ZNF519: variants seen among roughly 807,000 people sequenced by gnomAD.
ZNF519 encodes the protein zinc finger protein 519, also known as similar to Zinc finger protein 85 (Zinc finger protein HPF4) (HTF1).
ZNF519 carries 7 observed loss-of-function variants against 7.4 expected under a neutral mutation model. The ratio of observed to expected loss-of-function variants is 0.94; its 90% confidence interval spans 0.54 to 1.77. ZNF519 has a LOEUF of 1.77. Ranked by LOEUF, ZNF519 falls within the 40% of genes most tolerant of loss-of-function variation. The pLI is 0.00. For missense variants in ZNF519, 586 were observed against 623.1 expected (o/e 0.94, Z 0.63); for synonymous variants, 179 against 203.3 (o/e 0.88, Z 1.02).
In ZNF519 at chr18:14,105,226, G is replaced by A. The variant is rs749130923; in HGVS notation, c.1314C>T (p.Gly438=). The change falls in exon 3 of 3, where the codon GGC becomes GGT. Residue 438 remains glycine, a synonymous_variant. Coordinates refer to ENST00000590202, the MANE Select transcript of ZNF519 (RefSeq NM_145287.4). ...GGTGTGAGCCCCTGTTAAAGGCTTT[G>A]CCACATTCTTTACATTTGAAGTGTT... ...GEKHFKCKEC[G]KAFNRGSHLT... is the part of the protein sequence containing the mutation. 1.9e-6 allele frequency: 3 copies of A among 1,571,528 alleles called. No homozygotes were observed. Among genetic ancestry groups the A allele is most frequent in the Non-Finnish European group, 2.6e-6 (3 of 1,145,390 alleles).
At chr18:14,128,742 T>TTTATCAGTTAAA (rs2046314877) in intron 1 of ZNF519, among the ~76,000 whole-genome samples, 1 of 139,816 alleles carries the variant, frequency 7.2e-6, no homozygotes, top group Non-Finnish European at 1.6e-5. Flanking sequence ...AATGACCTAT[T>TTTATCAGTTAAA]TAACTGATAA....
chr18:14,131,189 C>T (rs1173017677), intron 1 of ZNF519, among the ~76,000 whole-genome samples: 5 of 151,228 alleles, frequency 3.3e-5, no homozygotes, highest in Non-Finnish European at 4.4e-5. Flanking sequence ...AGGGAGGATA[C>T]AAGGAGAAAC....
At position 14,103,943 on chromosome 18, in the gene ZNF519, T is replaced by G. The variant is rs973978582; in HGVS notation, c.*974A>C. 2 of 152,172 alleles carry G rather than the reference T, an allele frequency of 1.3e-5. No homozygotes were observed. The highest frequency in any genetic ancestry group is 4.8e-5 in the African/African-American group (2 of 41,454). 9.4% of individuals were successfully genotyped at this position (152,172 alleles called of 1,614,324 possible). A position where few individuals can be genotyped will look rare whatever the true frequency, so the allele number is the denominator to read the frequency against. On this transcript the variant is annotated 3_prime_UTR_variant, in exon 3 of 3. Transcript: ENST00000590202. ...CTGAATAAAGCATTTCAAAATCCAG[T>G]TTCCTCAATCATCAAAATTACAGAC... is the stretch of plus-strand genomic sequence containing the variant.
At chr18:14,097,522 G>A (rs999472066), downstream of ZNF519, among the ~76,000 whole-genome samples, 1 of 152,170 alleles carries the variant, frequency 6.6e-6, no homozygotes, top group African/African-American at 2.4e-5. Context: ...GGCGTTGAAG[G>A]TGGCCTCCAG....
chr18:14,122,209 T>C (rs2046272754), intron 2 of ZNF519: 2 of 152,204 alleles, frequency 1.3e-5, no homozygotes, highest in African/African-American at 2.4e-5. Flanking sequence ...TCTCAATTTA[T>C]TCTAAAGCAG....
intron 2 of ZNF519, among the ~76,000 whole-genome samples, chr18:14,094,586 A>ACTTGCATATGTAAAGCATC (rs1430473232): frequency 1.3e-5 from 2 of 152,224 alleles, no homozygotes; most frequent in African/African-American, 4.8e-5. Flanking sequence ...ATGTTTATCA[A>ACTTGCATATGTAAAGCATC]CTTGCATATG....
chr18:14,092,663 C>A (rs1011070734), intron 2 of ZNF519, among the ~76,000 whole-genome samples: 1 of 152,210 alleles, frequency 6.6e-6, no homozygotes, highest in South Asian at 2.1e-4. Flanking sequence ...GCGCAGAATC[C>A]CCATAAATCA....
intron 3 of ZNF519, among the ~76,000 whole-genome samples, chr18:14,081,535 T>A (rs2046070652): frequency 6.6e-6 from 1 of 152,200 alleles, no homozygotes; most frequent in Non-Finnish European, 1.5e-5. Flanking sequence ...TGTGTAAGGT[T>A]GTGATGGCCT....
At chr18:14,131,094 G>C (rs894184236) in intron 1 of ZNF519, among the ~76,000 whole-genome samples, 9 of 152,010 alleles carry the variant, frequency 5.9e-5, no homozygotes, top group Non-Finnish European at 1.2e-4. Context: ...AAAAAGGCCC[G>C]AATGTGGCTA....
At chr18:14,121,934 G>A (rs1233802624) in intron 2 of ZNF519, 1 of 152,152 alleles carries the variant, frequency 6.6e-6, no homozygotes, top group Non-Finnish European at 1.5e-5. Flanking sequence ...AAATCTAGAA[G>A]GTGAGTAGAT....
chr18:14,121,437 T>C (rs1202739075), intron 2 of ZNF519, among the ~76,000 whole-genome samples: 1 of 152,142 alleles, frequency 6.6e-6, no homozygotes, highest in African/African-American at 2.4e-5. Flanking sequence ...ACATATCAAA[T>C]CATTACATTG....
At chr18:14,123,710 C>T (rs923762806) in intron 2 of ZNF519, among the ~76,000 whole-genome samples, 1 of 151,894 alleles carries the variant, frequency 6.6e-6, no homozygotes, top group African/African-American at 2.4e-5. Context: ...AGCAAGACTC[C>T]GTTTGCAAAA....
downstream of ZNF519, among the ~76,000 whole-genome samples, chr18:14,096,812 G>C (rs995266455): frequency 2.6e-5 from 4 of 152,228 alleles, no homozygotes; most frequent in African/African-American, 9.7e-5. Flanking sequence ...GAAAGAGGGA[G>C]AGGACAGCAT....
chr18:14,096,315 T>C (rs138407549), downstream of ZNF519, among the ~76,000 whole-genome samples: 11 of 152,308 alleles, frequency 7.2e-5, no homozygotes, highest in Admixed American at 2.0e-4. Flanking sequence ...CAAAACCAGG[T>C]ATTATAATTT....
chr18:14,084,339 G>T (rs904924207), intron 3 of ZNF519: 1 of 152,106 alleles, frequency 6.6e-6, no homozygotes, highest in Non-Finnish European at 1.5e-5. Flanking sequence ...TACTTCCTGG[G>T]GCACAAACCT....
downstream of ZNF519, among the ~76,000 whole-genome samples, chr18:14,095,085 T>G (rs2046130316): frequency 1.3e-5 from 2 of 152,200 alleles, no homozygotes; most frequent in Non-Finnish European, 2.9e-5. Flanking sequence ...CTGAATGTTC[T>G]TGATGTTAGG....
downstream of ZNF519, chr18:14,099,807 T>C (rs1192833070): frequency 2.0e-5 from 3 of 152,214 alleles, no homozygotes. Flanking sequence ...CCACACACCC[T>C]TACAATGTCC....
At chr18:14,084,607 C>T (rs2046082671) in intron 3 of ZNF519, among the ~76,000 whole-genome samples, 1 of 152,070 alleles carries the variant, frequency 6.6e-6, no homozygotes, top group South Asian at 2.1e-4. Context: ...GAGCTTTTCC[C>T]TTCTCCTGGT....
chr18:14,095,078 A>G (rs2046130274), downstream of ZNF519, among the ~76,000 whole-genome samples: 1 of 152,044 alleles, frequency 6.6e-6, no homozygotes, highest in Admixed American at 6.6e-5. Flanking sequence ...TTGTTCCCTG[A>G]ATGTTCTTGA....
Sources: gnomAD v4.1 joint callset for allele counts (sites outside exome capture counted in the v4.1 genomes callset) on GRCh38, gnomAD v4.1.1 for gene constraint, MANE v1.5 for transcripts, NCBI Gene and HGNC (gene_info 2026-07-23, HGNC 2026-07-21) for gene names.